The following NDST4 variants were observed in gnomAD, a reference collection of about 807,000 sequenced individuals.
The protein encoded by NDST4 is N-deacetylase and N-sulfotransferase 4, also known as N-heparan sulfate sulfotransferase 4.
NDST4 carries 63 observed loss-of-function variants against 100.8 expected under a neutral mutation model. The observed-to-expected ratio is 0.62, with a 90% CI of 0.51 to 0.77. The LOEUF (loss-of-function observed/expected upper bound fraction) is 0.77. Ranked by LOEUF, NDST4 falls within the 30% of genes least tolerant of loss-of-function variation. The probability of loss-of-function intolerance (pLI) is 0.00; values close to 1 mark genes in which losing one functional copy is unlikely to be tolerated. For missense variants in NDST4, 943 were observed against 1,018.4 expected, an observed-to-expected ratio of 0.93 and a Z score of 1.01; for synonymous variants, 377 against 361.8, an observed-to-expected ratio of 1.04 and a Z score of -0.48.
intron 2 of NDST4, among the ~76,000 whole-genome samples, chr4:115,023,485 CAAA>C (rs61136345): frequency 6.7e-5 from 6 of 89,566 alleles, no homozygotes; most frequent in African/African-American, 3.8e-5. Context: ...AATTCCATCT[CAAA>C]AAAAAAAAAA....
intron 2 of NDST4, 89 bp downstream of exon 2, chr4:115,075,970 T>G: frequency 6.9e-7 from 1 of 1,443,620 alleles, no homozygotes; most frequent in Non-Finnish European, 9.3e-7. Flanking sequence ...CTTAAAACTT[T>G]AGGGATTAAT....
chr4:114,922,605 G>A (rs1725310996), intron 6 of NDST4, among the ~76,000 whole-genome samples: 1 of 152,074 alleles, frequency 6.6e-6, no homozygotes, highest in Non-Finnish European at 1.5e-5. Context: ...TCTGAAGCTT[G>A]CCTCAGTCCC....
chr4:114,986,821 TATATATA>T (rs1480069490), intron 2 of NDST4, among the ~76,000 whole-genome samples: 12 of 126,716 alleles, frequency 9.5e-5, no homozygotes, highest in African/African-American at 3.6e-4. Context: ...TATATATATA[TATATATA>T]TATATTTTAA....
intron 2 of NDST4, among the ~76,000 whole-genome samples, chr4:115,031,148 C>T (rs563510181): frequency 3.9e-5 from 6 of 152,004 alleles, no homozygotes; most frequent in African/African-American, 1.4e-4. Context: ...TGATTTAATA[C>T]ACATCTTCAA....
chr4:114,960,583 T>C (rs949189021), intron 4 of NDST4, among the ~76,000 whole-genome samples: 1 of 151,958 alleles, frequency 6.6e-6, no homozygotes, highest in Non-Finnish European at 1.5e-5. Context: ...AAATAAAGAA[T>C]GTTGGTAAAG....
chr4:114,980,002 A>G (rs930019992), intron 2 of NDST4, among the ~76,000 whole-genome samples: 11 of 152,166 alleles, frequency 7.2e-5, no homozygotes, highest in African/African-American at 2.7e-4. Flanking sequence ...AAATGATTCA[A>G]ACTAAAAAAA....
At chr4:114,837,690 A>C (rs1723333329) in intron 11 of NDST4, among the ~76,000 whole-genome samples, 1 of 152,268 alleles carries the variant, frequency 6.6e-6, no homozygotes, top group Non-Finnish European at 1.5e-5. Flanking sequence ...GATGGATTAA[A>C]GATTTAAGTC....
chr4:115,071,560 T>G (rs964104749), intron 2 of NDST4, among the ~76,000 whole-genome samples: 1 of 152,132 alleles, frequency 6.6e-6, no homozygotes, highest in African/African-American at 2.4e-5. Flanking sequence ...GTATTTCATA[T>G]GAATTGAAAT....
intron 2 of NDST4, among the ~76,000 whole-genome samples, chr4:115,000,335 T>C (rs1727258941): frequency 1.3e-5 from 2 of 152,000 alleles, no homozygotes; most frequent in African/African-American, 4.8e-5. Flanking sequence ...AATTTAACCT[T>C]TCATTTTTTT....
intron 2 of NDST4, among the ~76,000 whole-genome samples, chr4:115,042,650 TAG>T (rs1728376496): frequency 6.6e-6 from 1 of 152,034 alleles, no homozygotes; most frequent in Admixed American, 6.6e-5. Context: ...GTAGTATATA[TAG>T]AGAGAGTTCA....
chr4:114,859,460 G>T (rs1037835523), intron 7 of NDST4, among the ~76,000 whole-genome samples: 1 of 152,172 alleles, frequency 6.6e-6, no homozygotes, highest in Non-Finnish European at 1.5e-5. Context: ...TGTCTGGTTG[G>T]AGTGAACATA....
intron 2 of NDST4, among the ~76,000 whole-genome samples, chr4:115,022,323 C>T (rs1193787070): frequency 6.7e-6 from 1 of 150,106 alleles, no homozygotes; most frequent in South Asian, 2.1e-4. Flanking sequence ...ATGTGTTCCA[C>T]ATACATATGT....
At chr4:114,970,092 A>G (rs1301963993) in intron 4 of NDST4, among the ~76,000 whole-genome samples, 1 of 152,136 alleles carries the variant, frequency 6.6e-6, no homozygotes, top group Admixed American at 6.6e-5. Flanking sequence ...TTATTTTTGA[A>G]TGGTTAATTA....
chr4:114,910,777 C>T (rs934801951), intron 6 of NDST4, among the ~76,000 whole-genome samples: 1 of 152,164 alleles, frequency 6.6e-6, no homozygotes, highest in Non-Finnish European at 1.5e-5. Context: ...CTGATCATCT[C>T]CCAGTATTCC....
intron 12 of NDST4, among the ~76,000 whole-genome samples, chr4:114,832,535 C>T (rs181464372): frequency 6.6e-6 from 1 of 152,124 alleles, no homozygotes; most frequent in Non-Finnish European, 1.5e-5. Context: ...TTTTACATTT[C>T]TCCCCATTTT....
chr4:114,918,646 C>G (rs559832706), intron 6 of NDST4, among the ~76,000 whole-genome samples: 1 of 152,206 alleles, frequency 6.6e-6, no homozygotes, highest in African/African-American at 2.4e-5. Context: ...CAGCTGGAAA[C>G]CTGTCCCACC....
chr4:114,911,469 A>G (rs1278880916), intron 6 of NDST4, among the ~76,000 whole-genome samples: 2 of 152,042 alleles, frequency 1.3e-5, no homozygotes, highest in Non-Finnish European at 2.9e-5. Flanking sequence ...AAATAACTCT[A>G]TTTCTTTATT....
chr4:115,054,146 T>C (rs1343615917), intron 2 of NDST4, among the ~76,000 whole-genome samples: 1 of 151,808 alleles, frequency 6.6e-6, no homozygotes, highest in Non-Finnish European at 1.5e-5. Flanking sequence ...TAAAACATAA[T>C]ATACCTAAAA....
chr4:115,059,918 C>A (rs190521222), intron 2 of NDST4, among the ~76,000 whole-genome samples: 1 of 152,100 alleles, frequency 6.6e-6, no homozygotes, highest in East Asian at 1.9e-4. Context: ...AGTATAGGAA[C>A]TAATTGGCAT....
Sources: allele counts gnomAD v4.1 joint callset (sites outside exome capture counted in the v4.1 genomes callset), GRCh38; gene constraint gnomAD v4.1.1; transcripts MANE v1.5; gene names NCBI Gene and HGNC (gene_info 2026-07-23, HGNC 2026-07-21).